Variants in PARD3B observed in about 807,000 individuals in gnomAD.
PARD3B encodes the protein par-3 family cell polarity regulator beta, also known as partitioning defective 3 homolog B.
Under a neutral mutation model 130.2 loss-of-function variants are expected in PARD3B, and 103 were observed. That is an observed-to-expected ratio of 0.79 (90% confidence interval 0.67 to 0.93). The LOEUF (loss-of-function observed/expected upper bound fraction) is 0.93, where lower values mean the gene tolerates loss of function less well. PARD3B is among the 40% of genes least tolerant of loss of function. The probability of loss-of-function intolerance (pLI) is 0.00; values close to 1 mark genes in which losing one functional copy is unlikely to be tolerated. For missense variants in PARD3B, 1,609 were observed against 1,499.2 expected, an observed-to-expected ratio of 1.07 and a Z score of -1.21; for synonymous variants, 583 against 553.2, an observed-to-expected ratio of 1.05 and a Z score of -0.76.
At chr2:205,380,826 A>G (rs1432002049) in intron 18 of PARD3B, among the ~76,000 whole-genome samples, 1 of 94,126 alleles carries the variant, frequency 1.1e-5, no homozygotes, top group Non-Finnish European at 1.8e-5. Context: ...TATATATTAT[A>G]TAAAGAATAC....
chr2:204,938,965 C>G (rs1444535922), intron 2 of PARD3B, among the ~76,000 whole-genome samples: 1 of 152,140 alleles, frequency 6.6e-6, no homozygotes, highest in Non-Finnish European at 1.5e-5. Flanking sequence ...CAGAAAAATA[C>G]AAAACATCAC....
chr2:204,749,566 CT>C (rs1235004355), intron 2 of PARD3B, among the ~76,000 whole-genome samples: 1 of 152,072 alleles, frequency 6.6e-6, no homozygotes, highest in African/African-American at 2.4e-5. Context: ...TAGCCTTTAT[CT>C]TTTTTTATTC....
chr2:205,608,057 A>G (rs540481472), intron 22 of PARD3B, among the ~76,000 whole-genome samples: 7 of 152,326 alleles, frequency 4.6e-5, no homozygotes, highest in African/African-American at 1.7e-4. Flanking sequence ...CATGATGCAT[A>G]AATATCTACT....
intron 2 of PARD3B, among the ~76,000 whole-genome samples, chr2:204,709,813 C>G (rs2038350139): frequency 6.6e-6 from 1 of 152,138 alleles, no homozygotes; most frequent in African/African-American, 2.4e-5. Context: ...ACTTTGCATG[C>G]TCAGAATTTT....
Position 204,678,240 on chromosome 2 carries a change from C to T in PARD3B, c.121-7941C>T, listed in dbSNP as rs2036648041. Among the ~76,000 whole-genome samples, 1 of 152,136 alleles carries T rather than the reference C, an allele frequency of 6.6e-6. No homozygotes were observed. The stretch of plus-strand genomic sequence containing the variant: ...GCCTTTAGGTGCTGGCAGGACCAAA[C>T]CCAGTAACCGGGCCCGTGGTAGCAA... On this transcript the variant is annotated intron_variant, in intron 1 of 22. Coordinates refer to ENST00000406610, the MANE Select transcript of PARD3B (RefSeq NM_001302769.2). This position sits in a 1 kb window ranked among gnomAD's most constrained non-coding sequence, Gnocchi z 4.2.
chr2:204,954,026 G>A (rs1477008167), intron 2 of PARD3B, among the ~76,000 whole-genome samples: 1 of 152,052 alleles, frequency 6.6e-6, no homozygotes, highest in East Asian at 1.9e-4. Flanking sequence ...TTGTCTTCGG[G>A]CCCCAGTTAG....
intron 2 of PARD3B, among the ~76,000 whole-genome samples, chr2:204,901,756 C>T (rs1032254644): frequency 3.9e-5 from 6 of 152,034 alleles, no homozygotes; most frequent in African/African-American, 1.2e-4. Context: ...ACAGTGAGAA[C>T]GGCCTGGGTA....
chr2:204,842,303 A>G (rs1423553828), intron 2 of PARD3B, among the ~76,000 whole-genome samples: 8 of 152,172 alleles, frequency 5.3e-5, no homozygotes. Context: ...TGACACCAGC[A>G]TGGGTGCTTG....
In PARD3B at chr2:205,104,402, GCTTATGA is replaced by G; in HGVS notation, c.505-20_505-14del. Reference sequence around the variant, plus strand: ...CAATTCAATATGCACAGCATCACATGCTTATGACTTTGTTTCACTATAGGATTCCACG... The same window carrying G: ...CAATTCAATATGCACAGCATCACATGCTTTGTTTCACTATAGGATTCCACG... On this transcript the variant is annotated splice_polypyrimidine_tract_variant and intron_variant, in intron 4 of 22. Coordinates refer to ENST00000406610, the MANE Select transcript of PARD3B (RefSeq NM_001302769.2). 1 of 1,507,016 alleles carries G rather than the reference GCTTATGA, an allele frequency of 6.6e-7. No homozygotes were observed. Among genetic ancestry groups the G allele is most frequent in the South Asian group, 1.1e-5 (1 of 88,702 alleles). The allele number at this position is 1,507,016 out of a possible 1,614,324, so 93.4% of individuals were successfully genotyped here.
At chr2:204,860,044 G>T (rs2045118276) in intron 2 of PARD3B, among the ~76,000 whole-genome samples, 1 of 152,066 alleles carries the variant, frequency 6.6e-6, no homozygotes, top group African/African-American at 2.4e-5. Flanking sequence ...AATATAATCA[G>T]GATTAACTGT....
At chr2:205,477,144 C>T (rs1444517017) in intron 20 of PARD3B, among the ~76,000 whole-genome samples, 1 of 152,270 alleles carries the variant, frequency 6.6e-6, no homozygotes, top group East Asian at 1.9e-4. Context: ...ACTCTGCAAA[C>T]GTTTCCTTTT....
intron 2 of PARD3B, among the ~76,000 whole-genome samples, chr2:204,944,626 C>T (rs1042520192): frequency 2.6e-5 from 4 of 152,216 alleles, no homozygotes; most frequent in African/African-American, 9.6e-5. Context: ...TATTTTAATG[C>T]AGCTATTTAA....
intron 2 of PARD3B, among the ~76,000 whole-genome samples, chr2:204,846,698 G>A (rs564061040): frequency 6.6e-5 from 10 of 150,420 alleles, no homozygotes; most frequent in Non-Finnish European, 1.5e-4. Context: ...TAGCCAGGAG[G>A]CTTCCTATAC....
chr2:204,647,070 T>C (rs773658229), intron 1 of PARD3B, among the ~76,000 whole-genome samples: 2 of 151,970 alleles, frequency 1.3e-5, no homozygotes, highest in Non-Finnish European at 2.9e-5. Context: ...TTTTACACCA[T>C]CGTAAAGTCG....
chr2:204,866,346 A>C (rs1575166365), intron 2 of PARD3B, among the ~76,000 whole-genome samples: 1 of 152,312 alleles, frequency 6.6e-6, no homozygotes, highest in Admixed American at 6.5e-5. Context: ...GAGTTAAAAG[A>C]TATAAATGAA....
chr2:205,558,581 A>G lies in PARD3B; in HGVS notation c.3260+5178A>G, dbSNP rs771610603. Among the ~76,000 whole-genome samples the G allele has an allele frequency of 4.6e-5, 7 of 152,096 alleles. No individual in the cohort carries two copies. The highest frequency in any genetic ancestry group is 1.0e-4 in the Non-Finnish European group (7 of 68,020). ...GGTTCTATTTCCACTCAACCCACTC[A>G]CACTATAGCCTCTTGCCCCAGGCTT... On this transcript the variant is annotated intron_variant, in intron 22 of 22. Coordinates refer to ENST00000406610, the MANE Select transcript of PARD3B (RefSeq NM_001302769.2). The surrounding 1 kb of genome is among the most constrained non-coding windows in gnomAD (Gnocchi z 4.8).
chr2:205,170,580 G>T (rs1051538182), intron 11 of PARD3B, among the ~76,000 whole-genome samples: 9 of 152,188 alleles, frequency 5.9e-5, no homozygotes, highest in African/African-American at 2.2e-4. Flanking sequence ...GGCGTGGGCA[G>T]TGTGTCTTCA....
At chr2:205,115,962 T>C (rs1309928373) in intron 6 of PARD3B, among the ~76,000 whole-genome samples, 3 of 152,148 alleles carry the variant, frequency 2.0e-5, no homozygotes, top group Non-Finnish European at 4.4e-5. Flanking sequence ...AGAAAAATGT[T>C]GCCACACCTG....
At chr2:205,275,026 G>A (rs1298666606) in intron 16 of PARD3B, among the ~76,000 whole-genome samples, 5 of 152,056 alleles carry the variant, frequency 3.3e-5, no homozygotes, top group African/African-American at 4.8e-5. Flanking sequence ...CTAACTGCTT[G>A]TGTGCCTTTT....
Sources: allele counts gnomAD v4.1 joint callset (sites outside exome capture counted in the v4.1 genomes callset), GRCh38; gene constraint gnomAD v4.1.1; non-coding constraint Gnocchi (gnomAD v3.1); transcripts MANE v1.5; gene names NCBI Gene and HGNC (gene_info 2026-07-23, HGNC 2026-07-21).